PRKD3: variants seen among roughly 807,000 people sequenced by gnomAD.
The protein encoded by PRKD3 is serine/threonine-protein kinase D3.
In PRKD3, 47 loss-of-function variants were observed where a neutral mutation model predicts 99.2. That is an observed-to-expected ratio of 0.47 (90% CI 0.38 to 0.60). The LOEUF (loss-of-function observed/expected upper bound fraction) is 0.60. PRKD3 is among the 20% of genes least tolerant of loss of function. The pLI, the probability that PRKD3 is intolerant of heterozygous loss-of-function variation, is 0.00. For synonymous variants in PRKD3, 392 were observed against 355.4 expected (o/e 1.10, Z -1.16); for missense variants, 1,019 against 1,088.4 (o/e 0.94, Z 0.90).
At chr2:37,279,970 A>C in intron 7 of PRKD3, 41 bp from the exon 8 acceptor site, 26 of 1,370,956 alleles carry the variant, frequency 1.9e-5, no homozygotes, top group Non-Finnish European at 2.6e-5. Context: ...TTATATTAAT[A>C]GAGGAAGTCC....
intron 18 of PRKD3, 138 bp from the exon 19 acceptor site, chr2:37,253,488 A>G (rs1045235059): frequency 1.6e-5 from 10 of 628,712 alleles, no homozygotes; most frequent in Non-Finnish European, 2.3e-5. Flanking sequence ...AGTATCTACT[A>G]TGTACTAAGT....
At position 37,269,225 on chromosome 2, in the gene PRKD3, G is replaced by GTT. The variant is rs1201193577; in HGVS notation, c.1777+389_1777+390insAA. 2.4e-5 allele frequency: 5 copies of GTT among 209,046 alleles called. No homozygotes were observed. The Admixed American group carries it at 2.6e-4, about 11-fold the overall frequency. The allele number at this position is 209,046 out of a possible 1,614,324, so 12.9% of individuals were successfully genotyped here. On this transcript the variant is annotated intron_variant, in intron 13 of 18. Transcript: ENST00000234179. Reference sequence around the variant, plus strand: ...CAGGTTCAGGTTTTCAGACTTAATAGAACAATCATGCCAACAGTAGACAAA... The same window carrying GTT: ...CAGGTTCAGGTTTTCAGACTTAATAGTTAACAATCATGCCAACAGTAGACAAA...
chr2:37,259,097 A>C (rs1668213237), intron 16 of PRKD3, among the ~76,000 whole-genome samples: 1 of 152,104 alleles, frequency 6.6e-6, no homozygotes, highest in African/African-American at 2.4e-5. Flanking sequence ...AGAGAGTGCT[A>C]CATGTAGCCA....
In PRKD3 at chr2:37,269,690, G is replaced by C. The variant is rs1206598173; in HGVS notation, c.1705-3C>G. The C allele has an allele frequency of 3.1e-6, 5 of 1,598,538 alleles. No homozygotes were observed. Among genetic ancestry groups the C allele is most frequent in the Non-Finnish European group, 4.3e-6 (5 of 1,167,734 alleles). ...ATCTGGTAAACAGTACTGATATCCT[G>C]GTAGGATAAAGTAAGGAGTTAGTAT... On this transcript the variant is annotated splice_polypyrimidine_tract_variant and splice_region_variant and intron_variant, in intron 12 of 18. Transcript: ENST00000234179.
rs751006454 is a variant in PRKD3 at position 37,282,666 on chromosome 2, G to A, written c.911-47C>T. On this transcript the variant is annotated intron_variant, in intron 6 of 18. Transcript: ENST00000234179. ...TATTAATTTATGTAAAAGTCAAGCAGTATCAGATATGGTTAGACTTTCTTT... is the reference window on the plus strand; with the variant it reads ...TATTAATTTATGTAAAAGTCAAGCAATATCAGATATGGTTAGACTTTCTTT... The A allele has an allele frequency of 3.9e-6, 5 of 1,272,448 alleles. No individual in the cohort carries two copies. In the South Asian group the frequency reaches 6.0e-5, roughly 15 times the overall value. 78.8% of individuals were successfully genotyped at this position (1,272,448 alleles called of 1,614,324 possible).
chr2:37,323,323 T>C (rs1438932005), intron 1 of PRKD3, among the ~76,000 whole-genome samples: 2 of 151,538 alleles, frequency 1.3e-5, no homozygotes, highest in African/African-American at 4.9e-5. Flanking sequence ...AAATGTGAAA[T>C]GCTATATACT....
intron 2 of PRKD3, among the ~76,000 whole-genome samples, chr2:37,309,639 G>A (rs1671328336): frequency 6.6e-6 from 1 of 152,126 alleles, no homozygotes; most frequent in African/African-American, 2.4e-5. Context: ...CATGAGGTCA[G>A]GAGATCAAGA....
At chr2:37,312,386 A>G (rs1461125685) in intron 2 of PRKD3, among the ~76,000 whole-genome samples, 1 of 152,242 alleles carries the variant, frequency 6.6e-6, no homozygotes, top group Admixed American at 6.5e-5. Context: ...AAAAAAATTT[A>G]AAACAATGTA....
intron 18 of PRKD3, among the ~76,000 whole-genome samples, chr2:37,253,594 A>T (rs1349985055): frequency 6.6e-6 from 1 of 152,176 alleles, no homozygotes; most frequent in Non-Finnish European, 1.5e-5. Context: ...ATTAAAAAAA[A>T]TTTGCTTCAG....
chr2:37,318,552 T>C (rs193240889), intron 1 of PRKD3, among the ~76,000 whole-genome samples: 3 of 152,332 alleles, frequency 2.0e-5, no homozygotes, highest in Admixed American at 2.0e-4. Flanking sequence ...TAAGAATCAC[T>C]GCTCAGAGGA....
intron 5 of PRKD3, among the ~76,000 whole-genome samples, chr2:37,287,992 C>G (rs1382842823): frequency 1.3e-5 from 2 of 152,190 alleles, no homozygotes; most frequent in Non-Finnish European, 2.9e-5. Context: ...TAAAAATACC[C>G]TGAACAATCT....
intron 9 of PRKD3, among the ~76,000 whole-genome samples, chr2:37,276,475 T>C (rs1278081683): frequency 6.6e-6 from 1 of 152,164 alleles, no homozygotes; most frequent in Non-Finnish European, 1.5e-5. Flanking sequence ...TGTGAAACTC[T>C]CTGTTCATAT....
Position 37,253,249 on chromosome 2 carries a change from G to A in PRKD3, c.2601C>T (p.Tyr867=), listed in dbSNP as rs1162090203. Residue 867 remains tyrosine, a synonymous_variant, in exon 19 of 19, where the codon TAC becomes TAT. Transcript: ENST00000234179. ...SDDARWEIHA[Y]THNLVYPKHF... Reference sequence around the variant, plus strand: ...GCTTTGGGTATACAAGGTTATGTGTGTATGCATGTATTTCCCAGCGAGCAT... The same window carrying A: ...GCTTTGGGTATACAAGGTTATGTGTATATGCATGTATTTCCCAGCGAGCAT... 1 of 1,612,462 alleles carries A rather than the reference G, an allele frequency of 6.2e-7. No individual in the cohort carries two copies. The highest frequency in any genetic ancestry group is 1.1e-5 in the South Asian group (1 of 90,966).
intron 2 of PRKD3, among the ~76,000 whole-genome samples, chr2:37,313,357 A>G (rs1671528394): frequency 6.6e-6 from 1 of 152,098 alleles, no homozygotes; most frequent in Non-Finnish European, 1.5e-5. Flanking sequence ...AAAACTGTAA[A>G]GAGTATAATT....
intron 2 of PRKD3, among the ~76,000 whole-genome samples, chr2:37,306,456 A>G (rs1428315899): frequency 2.0e-5 from 3 of 152,208 alleles, no homozygotes; most frequent in African/African-American, 7.2e-5. Flanking sequence ...CTTTTTATAT[A>G]TATAGGTTAA....
chr2:37,282,533 T>A lies in PRKD3; in HGVS notation c.988+9A>T. On this transcript the variant is annotated intron_variant, in intron 7 of 18. Transcript: ENST00000234179. ...GATCTTTCACAAAAATTAAGAAAAA[T>A]AATTTTACCTCCATTGAAAGTAACC... 6.5e-7 allele frequency: 1 copy of A among 1,537,934 alleles called. No individual in the cohort carries two copies. The highest frequency in any genetic ancestry group is 9.0e-7 in the Non-Finnish European group (1 of 1,112,728).
At chr2:37,289,848 C>T (rs1389271293) in intron 4 of PRKD3, among the ~76,000 whole-genome samples, 1 of 152,144 alleles carries the variant, frequency 6.6e-6, no homozygotes, top group African/African-American at 2.4e-5. Context: ...GTGTGTTTTA[C>T]GATGCACAAT....
At chr2:37,289,078 A>T (rs1475710769) in intron 5 of PRKD3, among the ~76,000 whole-genome samples, 2 of 109,556 alleles carry the variant, frequency 1.8e-5, no homozygotes, top group Admixed American at 1.0e-4. Flanking sequence ...TAAAAAAAAA[A>T]TTAAAAAAAA....
Position 37,290,739 on chromosome 2 carries a change from G to C in PRKD3, c.559+129C>G, listed in dbSNP as rs536697171. 33 of 1,011,016 alleles carry C rather than the reference G, an allele frequency of 3.3e-5. No homozygotes were observed. In the African/African-American group the frequency reaches 4.2e-4, roughly 13 times the overall value. 62.6% of individuals were successfully genotyped at this position (1,011,016 alleles called of 1,614,324 possible). On this transcript the variant is annotated intron_variant, in intron 4 of 18. Transcript: ENST00000234179. ...GTGGCAGAGATAAAATGAGAGTCCT[G>C]ATCTCTCCAATTCTAAATCCTCGTT...
Sources: gnomAD v4.1 joint callset for allele counts (sites outside exome capture counted in the v4.1 genomes callset) on GRCh38, gnomAD v4.1.1 for gene constraint, MANE v1.5 for transcripts, NCBI Gene and HGNC (gene_info 2026-07-23, HGNC 2026-07-21) for gene names.